Variants in ADAMTS16 observed in about 807,000 individuals in gnomAD.
ADAMTS16 encodes the protein A disintegrin and metalloproteinase with thrombospondin motifs 16.
Under a neutral mutation model 145.8 loss-of-function variants are expected in ADAMTS16, and 94 were observed. That is an observed-to-expected ratio of 0.64 (90% CI 0.55 to 0.77). ADAMTS16 has a LOEUF of 0.77. Among genes scored for constraint, ADAMTS16 ranks in the 30% least tolerant of loss-of-function variants. The pLI, the probability that ADAMTS16 is intolerant of heterozygous loss-of-function variation, is 0.00. For missense variants in ADAMTS16, 1,585 were observed against 1,591.5 expected, an observed-to-expected ratio of 1.00 and a Z score of 0.07; for synonymous variants, 659 against 604.3, an observed-to-expected ratio of 1.09 and a Z score of -1.33.
intron 17 of ADAMTS16, among the ~76,000 whole-genome samples, chr5:5,245,422 C>T (rs2126398424): frequency 6.6e-6 from 1 of 152,270 alleles, no homozygotes; most frequent in African/African-American, 2.4e-5. Flanking sequence ...GAGGTCAATG[C>T]ATCACCTGAA....
intron 8 of ADAMTS16, among the ~76,000 whole-genome samples, chr5:5,194,010 G>A (rs1735733425): frequency 6.6e-6 from 1 of 152,110 alleles, no homozygotes; most frequent in African/African-American, 2.4e-5. Context: ...GCTGAGGTGG[G>A]AGAATCGCCT....
At chr5:5,280,283 C>G (rs893282596) in intron 18 of ADAMTS16, among the ~76,000 whole-genome samples, 13 of 152,180 alleles carry the variant, frequency 8.5e-5, no homozygotes, top group African/African-American at 2.9e-4. Flanking sequence ...GCCTTGCCAC[C>G]TCCCAAATTA....
At chr5:5,227,333 CT>C (rs1241151056) in intron 11 of ADAMTS16, among the ~76,000 whole-genome samples, 1 of 152,200 alleles carries the variant, frequency 6.6e-6, no homozygotes, top group Non-Finnish European at 1.5e-5. Context: ...AAGATAAAGC[CT>C]TTTTCATAAG....
intron 21 of ADAMTS16, among the ~76,000 whole-genome samples, chr5:5,312,040 G>A (rs1456530698): frequency 6.6e-6 from 1 of 152,058 alleles, no homozygotes; most frequent in African/African-American, 2.4e-5. Flanking sequence ...TTTAAAAACC[G>A]TAGTGTCCGA....
At position 5,146,241 on chromosome 5, in the gene ADAMTS16, C is replaced by G. The variant is rs2126503218; in HGVS notation, c.287C>G (p.Ser96Cys). 6.2e-7 allele frequency: 1 copy of G among 1,614,150 alleles called. No homozygotes were observed. The highest frequency in any genetic ancestry group is 8.5e-7 in the Non-Finnish European group (1 of 1,180,040). Reference protein sequence around the residue: ...RRAVPVSEVESLHLRLKGSRH... With the variant: ...RRAVPVSEVECLHLRLKGSRH... ...GCAGTGCCCGTGTCCGAGGTTGAGTCTCTTCACCTTCGGCTGAAAGGCTCC... is the reference window on the plus strand; with the variant it reads ...GCAGTGCCCGTGTCCGAGGTTGAGTGTCTTCACCTTCGGCTGAAAGGCTCC... The change falls in exon 3 of 23, where the codon TCT becomes TGT. Residue 96 changes from serine (S) to cysteine (C), a missense_variant. By Grantham distance (112) the Ser-to-Cys change is moderately radical. Transcript: ENST00000274181.
intron 12 of ADAMTS16, among the ~76,000 whole-genome samples, chr5:5,233,720 A>C (rs1737008762): frequency 6.6e-6 from 1 of 152,060 alleles, no homozygotes; most frequent in Admixed American, 6.5e-5. Flanking sequence ...TATGTACCAC[A>C]TTTTCATTAT....
chr5:5,244,671 A>G (rs1180725626), intron 17 of ADAMTS16, among the ~76,000 whole-genome samples: 1 of 152,240 alleles, frequency 6.6e-6, no homozygotes, highest in African/African-American at 2.4e-5. Flanking sequence ...AACTTAGCAC[A>G]TTACTGATGT....
rs1737306592 is a variant in ADAMTS16, at chr5:5,242,049, G to A, written c.2524-4G>A. 3 of 1,613,206 alleles carry A rather than the reference G, an allele frequency of 1.9e-6. No individual in the cohort carries two copies. ...TTTATTTTTTCCCCTTTCTTATTTT[G>A]TAGCTGCTGTTTCAGGGAAGGAACC... is the stretch of plus-strand genomic sequence containing the variant. On this transcript the variant is annotated splice_polypyrimidine_tract_variant and splice_region_variant and intron_variant, in intron 16 of 22. Transcript: ENST00000274181.
chr5:5,196,264 TG>T (rs1205972101), intron 8 of ADAMTS16, among the ~76,000 whole-genome samples: 1 of 140,534 alleles, frequency 7.1e-6, no homozygotes, highest in Non-Finnish European at 1.5e-5. Context: ...AAAGCAGCAT[TG>T]GTGTCACTAT....
At chr5:5,168,188 T>G (rs1403551878) in intron 3 of ADAMTS16, among the ~76,000 whole-genome samples, 3 of 152,132 alleles carry the variant, frequency 2.0e-5, no homozygotes, top group African/African-American at 7.2e-5. Flanking sequence ...TCACTTATTT[T>G]AAATCTCAGT....
intron 12 of ADAMTS16, among the ~76,000 whole-genome samples, chr5:5,233,607 C>T (rs1349065749): frequency 6.6e-6 from 1 of 152,160 alleles, no homozygotes; most frequent in African/African-American, 2.4e-5. Flanking sequence ...TTTTCTGTCC[C>T]TGCGTTAGCT....
At chr5:5,270,491 A>C (rs1579362493) in intron 18 of ADAMTS16, among the ~76,000 whole-genome samples, 1 of 152,292 alleles carries the variant, frequency 6.6e-6, no homozygotes, top group Non-Finnish European at 1.5e-5. Context: ...AGGTGTGATA[A>C]ACACTCACTA....
intron 13 of ADAMTS16, 130 bp from the exon 14 acceptor site, chr5:5,236,839 A>G: frequency 4.3e-6 from 5 of 1,168,990 alleles, no homozygotes; most frequent in Non-Finnish European, 4.6e-6. Context: ...TAAAAATGCC[A>G]TTGTAATGTA....
At chr5:5,188,604 C>A (rs1248375607) in intron 6 of ADAMTS16, among the ~76,000 whole-genome samples, 2 of 152,168 alleles carry the variant, frequency 1.3e-5, no homozygotes, top group African/African-American at 4.8e-5. Flanking sequence ...CCCTTGCTGA[C>A]GTTTTCAGAG....
intron 12 of ADAMTS16, among the ~76,000 whole-genome samples, chr5:5,234,635 G>T (rs892282102): frequency 6.6e-6 from 1 of 152,140 alleles, no homozygotes; most frequent in Non-Finnish European, 1.5e-5. Flanking sequence ...ACTTTGGGAG[G>T]TTGAGGTGCA....
chr5:5,180,188 G>T (rs759003446), intron 3 of ADAMTS16, among the ~76,000 whole-genome samples: 6 of 152,048 alleles, frequency 3.9e-5, no homozygotes, highest in Non-Finnish European at 7.4e-5. Flanking sequence ...TGGATGCCGT[G>T]GGTCAGCAGC....
At chr5:5,302,975 AGAAG>A (rs1739850555) in intron 18 of ADAMTS16, among the ~76,000 whole-genome samples, 1 of 152,138 alleles carries the variant, frequency 6.6e-6, no homozygotes, top group Non-Finnish European at 1.5e-5. Context: ...TTTTTAAAAA[AGAAG>A]AGAACAGACA....
intron 10 of ADAMTS16, among the ~76,000 whole-genome samples, chr5:5,212,732 T>C (rs1259151388): frequency 2.0e-5 from 3 of 152,226 alleles, no homozygotes; most frequent in Non-Finnish European, 2.9e-5. Context: ...TTTCTGTTCA[T>C]TGAAACAAAC....
Position 5,319,757 on chromosome 5 carries a change from G to T in ADAMTS16, c.*619G>T. 2.4e-6 allele frequency: 1 copy of T among 424,036 alleles called. No homozygotes were observed. 26.3% of individuals were successfully genotyped at this position (424,036 alleles called of 1,614,324 possible). ...CTCTAGGGTCACTGGCCAGGGGACT[G>T]CATTCTGGTTTGGGACTTTGCCTAT... On this transcript the variant is annotated 3_prime_UTR_variant, in exon 23 of 23. Transcript: ENST00000274181.
Sources: allele counts gnomAD v4.1 joint callset (sites outside exome capture counted in the v4.1 genomes callset), GRCh38; gene constraint gnomAD v4.1.1; transcripts MANE v1.5; gene names NCBI Gene and HGNC (gene_info 2026-07-23, HGNC 2026-07-21).